Variants in AP1G1 observed in about 807,000 individuals in gnomAD.
AP1G1 encodes AP-1 complex subunit gamma-1.
A neutral mutation model predicts 108.3 loss-of-function variants in AP1G1; 7 were observed. The ratio of observed to expected loss-of-function variants is 0.06; its 90% confidence interval spans 0.04 to 0.12. AP1G1 has a LOEUF of 0.12. AP1G1 is among the 10% of genes least tolerant of loss of function. The pLI, the probability that AP1G1 is intolerant of heterozygous loss-of-function variation, is 1.00. For missense variants in AP1G1, 756 were observed against 1,010.7 expected, an observed-to-expected ratio of 0.75 and a Z score of 3.42; for synonymous variants, 379 against 353.5, an observed-to-expected ratio of 1.07 and a Z score of -0.81.
At chr16:71,753,376 G>A (rs1021653073) in intron 13 of AP1G1, among the ~76,000 whole-genome samples, 9 of 152,150 alleles carry the variant, frequency 5.9e-5, no homozygotes, top group African/African-American at 1.9e-4. Context: ...GTCTGGCTCC[G>A]CTTATGTCTC....
intron 10 of AP1G1, 144 bp from the exon 11 acceptor site, chr16:71,759,065 G>C: frequency 1.7e-6 from 1 of 602,934 alleles, no homozygotes; most frequent in Non-Finnish European, 2.9e-6. Context: ...GAACATAAAA[G>C]TAACATTTCA....
At chr16:71,764,853 AAT>A (rs1241113941) in intron 7 of AP1G1, 127 bp from the exon 8 acceptor site, 1 of 616,526 alleles carries the variant, frequency 1.6e-6, no homozygotes, top group Non-Finnish European at 2.8e-6. Flanking sequence ...TCATATCAGA[AAT>A]AGTCAAAAAT....
chr16:71,766,008 T>C (rs914831595), intron 6 of AP1G1, among the ~76,000 whole-genome samples: 2 of 152,106 alleles, frequency 1.3e-5, no homozygotes, highest in African/African-American at 2.4e-5. Flanking sequence ...AAAATACAAC[T>C]AGTGATCTTA....
chr16:71,805,370 A>G (rs914121812), intron 1 of AP1G1, among the ~76,000 whole-genome samples: 25 of 151,392 alleles, frequency 1.7e-4, no homozygotes, highest in Admixed American at 3.9e-4. Context: ...AATCACTGGA[A>G]TCCAGGAGGT....
Position 71,732,979 on chromosome 16 carries a change from G to T in AP1G1, c.*79C>A. On this transcript the variant is annotated 3_prime_UTR_variant, in exon 23 of 23. Coordinates refer to ENST00000299980, the MANE Select transcript of AP1G1 (RefSeq NM_001128.6). ...CTCATGCCCGTGGTACAGTTGGGGG[G>T]GACTTGCCAGCAATCACAACCTCCT... 1 of 1,143,722 alleles carries T rather than the reference G, an allele frequency of 8.7e-7. No individual in the cohort carries two copies. Among genetic ancestry groups the T allele is most frequent in the Non-Finnish European group, 1.3e-6 (1 of 775,208 alleles). The allele number at this position is 1,143,722 out of a possible 1,614,324, so 70.8% of individuals were successfully genotyped here.
At chr16:71,771,365 A>T in intron 4 of AP1G1, 113 bp from the exon 5 acceptor site, 2 of 610,964 alleles carry the variant, frequency 3.3e-6, no homozygotes, top group South Asian at 4.3e-5. Flanking sequence ...ATCTACTAGA[A>T]AAATAAAGAA....
At chr16:71,801,746 G>C (rs2032808011) in intron 1 of AP1G1, among the ~76,000 whole-genome samples, 1 of 151,938 alleles carries the variant, frequency 6.6e-6, no homozygotes, top group Non-Finnish European at 1.5e-5. Context: ...CATGGTGAAA[G>C]CCCGTCTCTA....
intron 6 of AP1G1, among the ~76,000 whole-genome samples, chr16:71,768,936 A>G (rs71389700): frequency 0.073 from 8,799 of 120,850 alleles, 516 homozygotes; most frequent in African/African-American, 0.098. Context: ...AAAAAAAAAA[A>G]AAAAGAAAAG....
At chr16:71,804,057 T>G (rs146292477) in intron 1 of AP1G1, among the ~76,000 whole-genome samples, 1 of 152,038 alleles carries the variant, frequency 6.6e-6, no homozygotes, top group African/African-American at 2.4e-5. Context: ...TTATTTATTT[T>G]TTTTTTGGAG....
chr16:71,795,128 T>A (rs1258401258), intron 1 of AP1G1, among the ~76,000 whole-genome samples: 3 of 152,050 alleles, frequency 2.0e-5, no homozygotes, highest in Non-Finnish European at 2.9e-5. Flanking sequence ...CCTGCCCAGA[T>A]AACGTTCTCC....
rs1217271076 is a variant in AP1G1 at position 71,731,280 on chromosome 16, C to A, written c.*1778G>T. 3.3e-5 allele frequency: 5 copies of A among 152,650 alleles called. No homozygotes were observed. Among genetic ancestry groups the A allele is most frequent in the African/African-American group, 1.2e-4 (5 of 41,466 alleles). 9.5% of individuals were successfully genotyped at this position (152,650 alleles called of 1,614,324 possible). A position where few individuals can be genotyped will look rare whatever the true frequency, so the allele number is the denominator to read the frequency against. On this transcript the variant is annotated 3_prime_UTR_variant, in exon 23 of 23. Coordinates refer to ENST00000299980, the MANE Select transcript of AP1G1 (RefSeq NM_001128.6). ...TAAGTTTTAGCAGATCTTGCTCATA[C>A]ACACTAGTAAGACCAGAAACTTTCC...
intron 1 of AP1G1, among the ~76,000 whole-genome samples, chr16:71,795,951 GA>G (rs1328971261): frequency 6.6e-6 from 1 of 152,160 alleles, no homozygotes; most frequent in Non-Finnish European, 1.5e-5. Flanking sequence ...TAAATCTGGG[GA>G]TAGGCCAGGC....
At chr16:71,760,193 A>G (rs908114291) in intron 10 of AP1G1, among the ~76,000 whole-genome samples, 2 of 151,142 alleles carry the variant, frequency 1.3e-5, no homozygotes, top group Non-Finnish European at 2.9e-5. Flanking sequence ...TTAGAAGGAG[A>G]AGATAACTCA....
At chr16:71,734,912 G>A (rs983196468) in intron 21 of AP1G1, among the ~76,000 whole-genome samples, 3 of 152,116 alleles carry the variant, frequency 2.0e-5, no homozygotes, top group African/African-American at 4.8e-5. Context: ...TCCACTGTTC[G>A]GTTCTTTGAT....
intron 16 of AP1G1, among the ~76,000 whole-genome samples, chr16:71,748,034 G>A (rs1356149870): frequency 6.6e-6 from 1 of 152,102 alleles, no homozygotes; most frequent in Non-Finnish European, 1.5e-5. Flanking sequence ...AATCCACAAG[G>A]GAGTAAAAGA....
In AP1G1 at chr16:71,750,227, G is replaced by C. The variant is rs766430865; in HGVS notation, c.1390C>G (p.Leu464Val). Residue 464 changes from leucine (L) to valine (V), a missense_variant, in exon 14 of 23, where the codon CTT (leucine) becomes GTT (valine). Leu to Val is a conservative substitution (Grantham distance 32, BLOSUM62 1). Coordinates refer to ENST00000299980, the MANE Select transcript of AP1G1 (RefSeq NM_001128.6). ...GTACTTACTTGAGAATAATCACCAA[G>C]AATTGCTTTGTACAGGCGCTGGACA... ...YTVQRLYKAILGDYSQQPLVQ... is the reference protein window; with the variant it reads ...YTVQRLYKAIVGDYSQQPLVQ... The C allele has an allele frequency of 1.6e-5, 26 of 1,613,742 alleles. No homozygotes were observed. Among genetic ancestry groups the C allele is most frequent in the South Asian group, 4.4e-5 (4 of 91,006 alleles).
chr16:71,776,000 C>G (rs2031768241), intron 2 of AP1G1, among the ~76,000 whole-genome samples: 1 of 152,152 alleles, frequency 6.6e-6, no homozygotes, highest in African/African-American at 2.4e-5. Flanking sequence ...AACATTACCT[C>G]TAGAGCAGTA....
intron 21 of AP1G1, among the ~76,000 whole-genome samples, chr16:71,735,659 A>C (rs34401601): frequency 0.34 from 51,689 of 150,948 alleles, 9,428 homozygotes; most frequent in East Asian, 0.75. Flanking sequence ...CCGTCTCAAA[A>C]AAAAAAAAAA....
intron 1 of AP1G1, among the ~76,000 whole-genome samples, chr16:71,794,058 G>A (rs2032496832): frequency 6.6e-6 from 1 of 152,190 alleles, no homozygotes; most frequent in Admixed American, 6.5e-5. Context: ...TCTCCAAGAA[G>A]TGGTTAAAAT....
Sources: allele counts gnomAD v4.1 joint callset (sites outside exome capture counted in the v4.1 genomes callset), GRCh38; gene constraint gnomAD v4.1.1; transcripts MANE v1.5; gene names NCBI Gene and HGNC (gene_info 2026-07-23, HGNC 2026-07-21).